The following TEF variants were observed in gnomAD, a reference collection of about 807,000 sequenced individuals.
TEF encodes the protein thyrotroph embryonic factor.
TEF carries 3 observed loss-of-function variants against 20.8 expected under a neutral mutation model. The observed-to-expected ratio is 0.14, with a 90% CI of 0.07 to 0.37. The LOEUF is 0.37. Among genes scored for constraint, TEF ranks in the 10% least tolerant of loss-of-function variants. The pLI, the probability that TEF is intolerant of heterozygous loss-of-function variation, is 1.00. For synonymous variants in TEF, 180 were observed against 171.1 expected, an observed-to-expected ratio of 1.05 and a Z score of -0.41; for missense variants, 296 against 397.9, an observed-to-expected ratio of 0.74 and a Z score of 2.18.
chr22:41,387,761 C>T, intron 2 of TEF, 93 bp downstream of exon 2: 1 of 1,327,532 alleles, frequency 7.5e-7, no homozygotes, highest in Middle Eastern at 2.1e-4. Flanking sequence ...CCCAGTGAGT[C>T]CCTTCTCTGA....
chr22:41,381,302 T>TCCCCTCCCGC (rs1004892028), upstream of TEF, among the ~76,000 whole-genome samples: 1 of 151,044 alleles, frequency 6.6e-6, no homozygotes. Flanking sequence ...GTCCCTCCCT[T>TCCCCTCCCGC]CCCCTCCCGC....
chr22:41,381,574 A>G (rs1270164693), upstream of TEF, among the ~76,000 whole-genome samples: 1 of 151,818 alleles, frequency 6.6e-6, no homozygotes, highest in Non-Finnish European at 1.5e-5. Context: ...CAAGAGGGAG[A>G]GGCTGCGGTG....
At chr22:41,387,291 A>G (rs1215217029) in intron 1 of TEF, 60 bp from the exon 2 acceptor site, 4 of 1,579,542 alleles carry the variant, frequency 2.5e-6, no homozygotes, top group African/African-American at 2.7e-5. Flanking sequence ...CTCACTGCCC[A>G]CTTCCTGGGA....
At chr22:41,389,826 A>G (rs1276126253) in intron 2 of TEF, among the ~76,000 whole-genome samples, 1 of 152,136 alleles carries the variant, frequency 6.6e-6, no homozygotes, top group African/African-American at 2.4e-5. Context: ...AACGTACCAC[A>G]GCTTATCCAT....
At chr22:41,375,079 C>T (rs1278965557) in intron 1 of TEF, among the ~76,000 whole-genome samples, 1 of 152,202 alleles carries the variant, frequency 6.6e-6, no homozygotes, top group Non-Finnish European at 1.5e-5. Context: ...CCGTGGCTAT[C>T]TGGTAGTGGC....
At chr22:41,378,350 T>C (rs1342667411), upstream of TEF, among the ~76,000 whole-genome samples, 2 of 144,852 alleles carry the variant, frequency 1.4e-5, no homozygotes, top group Non-Finnish European at 3.0e-5. Context: ...TGCCTTTTTT[T>C]TTTTTTTTTT....
At position 41,395,987 on chromosome 22, in the gene TEF, C is replaced by G; in HGVS notation, c.*27C>G. 2 of 1,598,414 alleles carry G rather than the reference C, an allele frequency of 1.3e-6. No individual in the cohort carries two copies. The highest frequency in any genetic ancestry group is 1.7e-6 in the Non-Finnish European group (2 of 1,168,366). Reference sequence around the variant, plus strand: ...CCGTGCCCCCCGCCCGGGCGGGGTACTGCCTGCACCTCAGACCTCTGCCTG... The same window carrying G: ...CCGTGCCCCCCGCCCGGGCGGGGTAGTGCCTGCACCTCAGACCTCTGCCTG... On this transcript the variant is annotated 3_prime_UTR_variant, in exon 4 of 4. Transcript: ENST00000266304.
chr22:41,383,500 C>T (rs561395295), intron 1 of TEF, among the ~76,000 whole-genome samples: 81 of 152,314 alleles, frequency 5.3e-4, no homozygotes, highest in African/African-American at 1.9e-3. Context: ...CTGACATCAT[C>T]TTATTTCATT....
chr22:41,395,309 T>G (rs2037214265), intron 3 of TEF, among the ~76,000 whole-genome samples: 1 of 152,120 alleles, frequency 6.6e-6, no homozygotes, highest in Admixed American at 6.6e-5. Context: ...CCTGGCCTGT[T>G]ATTTCTCAGT....
At chr22:41,380,831 C>T (rs867629832), upstream of TEF, among the ~76,000 whole-genome samples, 7 of 152,158 alleles carry the variant, frequency 4.6e-5, no homozygotes. Flanking sequence ...TCCCACAAAA[C>T]GTGGCATCGG....
chr22:41,393,459 A>G (rs1163848811), intron 2 of TEF, among the ~76,000 whole-genome samples: 1 of 152,136 alleles, frequency 6.6e-6, no homozygotes, highest in African/African-American at 2.4e-5. Flanking sequence ...AGGGAATATA[A>G]AAATTTAATG....
rs1244922118 is a variant in TEF at position 41,394,039 on chromosome 22, G to A, written c.476-57G>A. 3.9e-6 allele frequency: 6 copies of A among 1,520,656 alleles called. No individual in the cohort carries two copies. In the Admixed American group the frequency reaches 5.3e-5, roughly 13 times the overall value. The allele number at this position is 1,520,656 out of a possible 1,614,324, so 94.2% of individuals were successfully genotyped here. On this transcript the variant is annotated intron_variant, in intron 2 of 3. Transcript: ENST00000266304. The stretch of plus-strand genomic sequence containing the variant: ...TCAACCAGGTGTCTGGGTGTGTGGC[G>A]TGGGTCTTCTCTGTCCAGTGGGCTG...
intron 2 of TEF, among the ~76,000 whole-genome samples, chr22:41,392,028 T>C (rs2037173284): frequency 1.3e-5 from 2 of 152,352 alleles, no homozygotes; most frequent in African/African-American, 4.8e-5. Context: ...GTTAACTGTT[T>C]TGTCTTTGCC....
intron 1 of TEF, among the ~76,000 whole-genome samples, chr22:41,384,553 A>G (rs2037072766): frequency 6.6e-6 from 1 of 152,236 alleles, no homozygotes; most frequent in Non-Finnish European, 1.5e-5. Context: ...CTGAAAAGAC[A>G]GCTCCAGGCC....
intron 1 of TEF, among the ~76,000 whole-genome samples, chr22:41,376,080 A>T (rs1461055229): frequency 6.6e-6 from 1 of 152,146 alleles, no homozygotes; most frequent in Admixed American, 6.5e-5. Context: ...ATGGCCAAAG[A>T]GATCATTATA....
At chr22:41,373,529 G>C (rs1472517849) in intron 1 of TEF, among the ~76,000 whole-genome samples, 3 of 151,922 alleles carry the variant, frequency 2.0e-5, no homozygotes, top group Non-Finnish European at 4.4e-5. Context: ...GAGTGTGGTG[G>C]CGTGATCTAG....
Position 41,396,098 on chromosome 22 carries a change from G to A in TEF, c.*138G>A, listed in dbSNP as rs566310711. 127 of 915,824 alleles carry A rather than the reference G, an allele frequency of 1.4e-4. 1 individual carries two copies. The highest frequency in any genetic ancestry group is 1.1e-3 in the South Asian group (63 of 58,324). The allele number at this position is 915,824 out of a possible 1,614,324, so 56.7% of individuals were successfully genotyped here. A position where few individuals can be genotyped will look rare whatever the true frequency, so the allele number is the denominator to read the frequency against. On this transcript the variant is annotated 3_prime_UTR_variant, in exon 4 of 4. Coordinates refer to ENST00000266304, the MANE Select transcript of TEF (RefSeq NM_003216.4). ...GCGCACCTGCTGCAGGAGCGGCCACGTCTCAGCTTCATTATACCATGGCCT... is the reference window on the plus strand; with the variant it reads ...GCGCACCTGCTGCAGGAGCGGCCACATCTCAGCTTCATTATACCATGGCCT...
In TEF at chr22:41,396,082, C is replaced by T; in HGVS notation, c.*122C>T. ...TCGTGGGCGCATGGCGGCGCACCTGCTGCAGGAGCGGCCACGTCTCAGCTT... is the reference window on the plus strand; with the variant it reads ...TCGTGGGCGCATGGCGGCGCACCTGTTGCAGGAGCGGCCACGTCTCAGCTT... On this transcript the variant is annotated 3_prime_UTR_variant, in exon 4 of 4. Coordinates refer to ENST00000266304, the MANE Select transcript of TEF (RefSeq NM_003216.4). The T allele has an allele frequency of 9.0e-7, 1 of 1,114,436 alleles. No individual in the cohort carries two copies. 69.0% of individuals were successfully genotyped at this position (1,114,436 alleles called of 1,614,324 possible).
upstream of TEF, among the ~76,000 whole-genome samples, chr22:41,381,569 G>T (rs1012928311): frequency 3.9e-5 from 6 of 152,346 alleles, no homozygotes; most frequent in African/African-American, 1.4e-4. Context: ...GGGGACAAGA[G>T]GGAGAGGCTG....
Sources: allele counts gnomAD v4.1 joint callset (sites outside exome capture counted in the v4.1 genomes callset), GRCh38; gene constraint gnomAD v4.1.1; transcripts MANE v1.5; gene names NCBI Gene and HGNC (gene_info 2026-07-23, HGNC 2026-07-21).